NTMT2: variants seen among roughly 807,000 people sequenced by gnomAD.
NTMT2 encodes the protein X-Pro-Lys N-terminal protein methyltransferase 1B.
NTMT2 carries 21 observed loss-of-function variants against 23.4 expected under a neutral mutation model. That is an observed-to-expected ratio of 0.90 (90% CI 0.64 to 1.29). The LOEUF (loss-of-function observed/expected upper bound fraction) is 1.29. Among genes scored for constraint, NTMT2 ranks in the 50% most tolerant of loss-of-function variants. NTMT2 has a pLI of 0.00. For missense variants in NTMT2, 336 were observed against 352.0 expected, an observed-to-expected ratio of 0.95 and a Z score of 0.36; for synonymous variants, 131 against 127.7, an observed-to-expected ratio of 1.03 and a Z score of -0.17.
chr1:170,148,398 G>A (rs1022367377), intron 1 of NTMT2, among the ~76,000 whole-genome samples: 9 of 151,726 alleles, frequency 5.9e-5, no homozygotes, highest in East Asian at 1.9e-4. Flanking sequence ...TGATCCGCCC[G>A]TCCAGAGGCA....
chr1:170,166,491 C>T lies in NTMT2; in HGVS notation c.331-11C>T. On this transcript the variant is annotated splice_polypyrimidine_tract_variant and intron_variant, in intron 2 of 3. Transcript: ENST00000439373. ...TCTCTGTACTTGAAATATCAAGGTG[C>T]CTTTCTGCAGGGGCCTGGGAGAGCT... is the stretch of plus-strand genomic sequence containing the variant. The T allele has an allele frequency of 1.3e-6, 2 of 1,552,150 alleles. No homozygotes were observed. Among genetic ancestry groups the T allele is most frequent in the Non-Finnish European group, 1.7e-6 (2 of 1,147,088 alleles).
chr1:170,162,675 C>T (rs971190458), intron 2 of NTMT2, among the ~76,000 whole-genome samples: 1 of 152,152 alleles, frequency 6.6e-6, no homozygotes, highest in Non-Finnish European at 1.5e-5. Flanking sequence ...CTATTATTAG[C>T]TCTGTTTCTA....
chr1:170,165,128 T>A (rs1673354927), intron 2 of NTMT2, among the ~76,000 whole-genome samples: 1 of 152,208 alleles, frequency 6.6e-6, no homozygotes, highest in East Asian at 1.9e-4. Context: ...AGATCTTGAT[T>A]GGCAACTTCA....
At chr1:170,161,596 T>C (rs537250442) in intron 2 of NTMT2, 1 of 152,188 alleles carries the variant, frequency 6.6e-6, no homozygotes, top group South Asian at 2.1e-4. Flanking sequence ...GTTTTCTCTC[T>C]TGTGACTAGG....
chr1:170,155,122 T>C (rs1183098877), intron 1 of NTMT2, among the ~76,000 whole-genome samples: 1 of 152,150 alleles, frequency 6.6e-6, no homozygotes, highest in East Asian at 1.9e-4. Context: ...GCCAGCGCCA[T>C]GCTTCTTGTA....
At chr1:170,146,402 A>T in intron 1 of NTMT2, 141 bp downstream of exon 1, 3 of 772,172 alleles carry the variant, frequency 3.9e-6, no homozygotes, top group Non-Finnish European at 6.2e-6. Context: ...ACTGGGCTGA[A>T]ATGTTTCAGT....
Position 170,167,654 on chromosome 1 carries a change from G to A in NTMT2, c.749G>A (p.Arg250Lys), listed in dbSNP as rs1329891769. Reference protein sequence around the residue: ...RDMDILRSLIRKSGLVVLGQE... With the variant: ...RDMDILRSLIKKSGLVVLGQE... ...ATGGACATCCTCCGGAGCCTAATAAGGAAGAGTGGGCTGGTGGTGCTGGGC... is the reference window on the plus strand; with the variant it reads ...ATGGACATCCTCCGGAGCCTAATAAAGAAGAGTGGGCTGGTGGTGCTGGGC... Residue 250 changes from arginine to lysine, a missense_variant, in exon 4 of 4, where the codon AGG becomes AAG. Physicochemically the swap from Arg to Lys is conservative, Grantham distance 26. Coordinates refer to ENST00000439373, the MANE Select transcript of NTMT2 (RefSeq NM_001136107.2). The A allele has an allele frequency of 3.2e-6, 5 of 1,551,586 alleles. No individual in the cohort carries two copies. Among genetic ancestry groups the A allele is most frequent in the Non-Finnish European group, 4.4e-6 (5 of 1,146,996 alleles).
chr1:170,160,656 T>G lies in NTMT2; in HGVS notation c.293T>G (p.Ile98Ser). The G allele has an allele frequency of 6.5e-7, 1 of 1,530,432 alleles. No individual in the cohort carries two copies. The highest frequency in any genetic ancestry group is 8.8e-7 in the Non-Finnish European group (1 of 1,141,292). The allele number at this position is 1,530,432 out of a possible 1,614,324, so 94.8% of individuals were successfully genotyped here. Residue 98 changes from isoleucine to serine, a missense_variant, in exon 2 of 4, where the codon ATC becomes AGC. Transcript: ENST00000439373. ...TTCATTGAACTGTCCAGCCCAGACA[T>G]CCAGGCCTCTCAGAAATTTCTTAGG... is the stretch of plus-strand genomic sequence containing the variant. The part of the protein sequence containing the change: ...GNFIELSSPD[I>S]QASQKFLRKF...
chr1:170,166,140 CTTTT>C (rs3040077), intron 2 of NTMT2, among the ~76,000 whole-genome samples: 1 of 67,792 alleles, frequency 1.5e-5, no homozygotes, highest in Non-Finnish European at 2.9e-5. Context: ...TTTTTTTTTT[CTTTT>C]TTTTTTTTTT....
At chr1:170,166,140 C>CTTTTTTTTTTTTTTTTTT (rs3040077) in intron 2 of NTMT2, among the ~76,000 whole-genome samples, 46 of 67,832 alleles carry the variant, frequency 6.8e-4, no homozygotes, top group Non-Finnish European at 9.6e-4. Context: ...TTTTTTTTTT[C>CTTTTTTTTTTTTTTTTTT]TTTTTTTTTT....
At chr1:170,149,881 A>G (rs1416618044) in intron 1 of NTMT2, among the ~76,000 whole-genome samples, 1 of 152,220 alleles carries the variant, frequency 6.6e-6, no homozygotes, top group Non-Finnish European at 1.5e-5. Flanking sequence ...AACTTAATTC[A>G]AAATATGAGA....
intron 2 of NTMT2, 131 bp downstream of exon 2, chr1:170,160,824 C>T (rs570357930): frequency 5.3e-5 from 37 of 694,920 alleles, no homozygotes; most frequent in East Asian, 3.6e-4. Flanking sequence ...GCCTGCAAGC[C>T]GGTTTTAAGA....
intron 1 of NTMT2, among the ~76,000 whole-genome samples, chr1:170,160,301 C>G (rs867757060): frequency 6.6e-6 from 1 of 152,084 alleles, no homozygotes; most frequent in Non-Finnish European, 1.5e-5. Flanking sequence ...TCCATAGATG[C>G]GATCTCTGAA....
intron 1 of NTMT2, among the ~76,000 whole-genome samples, chr1:170,154,546 G>A (rs915369508): frequency 6.6e-6 from 1 of 152,248 alleles, no homozygotes; most frequent in African/African-American, 2.4e-5. Context: ...GCTGGCTGGG[G>A]TTCAAGCTTG....
intron 2 of NTMT2, among the ~76,000 whole-genome samples, chr1:170,161,157 G>C (rs1400897606): frequency 6.6e-6 from 1 of 152,022 alleles, no homozygotes; most frequent in East Asian, 1.9e-4. Flanking sequence ...AAATTAGCTG[G>C]GCGTGGTGGC....
intron 1 of NTMT2, among the ~76,000 whole-genome samples, chr1:170,154,536 G>A (rs974904665): frequency 6.6e-6 from 1 of 152,248 alleles, no homozygotes; most frequent in Non-Finnish European, 1.5e-5. Context: ...GGACTGCCCT[G>A]CTGGCTGGGG....
At position 170,167,705 on chromosome 1, in the gene NTMT2, A is replaced by G; in HGVS notation, c.800A>G (p.Glu267Gly). 1 of 1,551,480 alleles carries G rather than the reference A, an allele frequency of 6.4e-7. No homozygotes were observed. The highest frequency in any genetic ancestry group is 8.7e-7 in the Non-Finnish European group (1 of 1,146,932). ...CAGGAGAAGCAGGATGGCTTCCCAG[A>G]GCAGTGCATCCCCGTGTGGATGTTC... ...LGQEKQDGFPEQCIPVWMFAL... is the reference protein window; with the variant it reads ...LGQEKQDGFPGQCIPVWMFAL... The change falls in exon 4 of 4, where the codon GAG (glutamate) becomes GGG (glycine). Residue 267 changes from glutamate to glycine, a missense_variant. Glu to Gly is a moderately conservative substitution (Grantham distance 98). Transcript: ENST00000439373.
chr1:170,150,096 GTT>G (rs1673039209), intron 1 of NTMT2, among the ~76,000 whole-genome samples: 1 of 152,200 alleles, frequency 6.6e-6, no homozygotes, highest in South Asian at 2.1e-4. Flanking sequence ...TGCACAGAGA[GTT>G]TGTTGTTTGG....
In NTMT2 at chr1:170,163,798, A is replaced by G. The variant is rs564271893; in HGVS notation, c.331-2704A>G. 3.3e-3 allele frequency among the ~76,000 whole-genome samples: 502 copies of G among 152,344 alleles called. 2 individuals carry two copies. Among genetic ancestry groups the G allele is most frequent in the South Asian group, 0.01 (50 of 4,826 alleles). On this transcript the variant is annotated intron_variant, in intron 2 of 3. Transcript: ENST00000439373. ...TCCTAATAGTGTTTTACTAGTTTAT[A>G]TGGATTCATAAGTATAAACATGGCA...
Sources: gnomAD v4.1 joint callset for allele counts (sites outside exome capture counted in the v4.1 genomes callset) on GRCh38, gnomAD v4.1.1 for gene constraint, MANE v1.5 for transcripts, NCBI Gene and HGNC (gene_info 2026-07-23, HGNC 2026-07-21) for gene names.